Variants in SYT17 observed in about 807,000 individuals in gnomAD.
SYT17 encodes synaptotagmin-17.
A neutral mutation model predicts 46.7 loss-of-function variants in SYT17; 22 were observed. The observed-to-expected ratio is 0.47, with a 90% CI of 0.34 to 0.67. The LOEUF (loss-of-function observed/expected upper bound fraction) is 0.67. Ranked by LOEUF, SYT17 falls within the 30% of genes least tolerant of loss-of-function variation. The probability of loss-of-function intolerance (pLI) is 0.01; values close to 1 mark genes in which losing one functional copy is unlikely to be tolerated. For synonymous variants in SYT17, 251 were observed against 248.4 expected (o/e 1.01, Z -0.10); for missense variants, 519 against 612.8 (o/e 0.85, Z 1.62).
intron 5 of SYT17, among the ~76,000 whole-genome samples, chr16:19,214,197 C>G (rs1376781156): frequency 2.6e-5 from 4 of 152,216 alleles, no homozygotes; most frequent in African/African-American, 9.6e-5. Flanking sequence ...CCTAGCACCT[C>G]ATGGATGTCT....
intron 7 of SYT17, among the ~76,000 whole-genome samples, chr16:19,257,620 C>G (rs550057835): frequency 3.9e-5 from 6 of 152,294 alleles, no homozygotes; most frequent in African/African-American, 1.4e-4. Context: ...AACTCATGAA[C>G]ACCCTGATGA....
intron 7 of SYT17, among the ~76,000 whole-genome samples, chr16:19,242,601 T>C (rs1249438419): frequency 3.3e-5 from 5 of 152,158 alleles, no homozygotes; most frequent in African/African-American, 4.8e-5. Flanking sequence ...CTCAGCTCAC[T>C]GCAGCCTCGA....
chr16:19,224,559 G>A, intron 6 of SYT17, 124 bp from the exon 7 acceptor site: 1 of 1,031,216 alleles, frequency 9.7e-7, no homozygotes, highest in Non-Finnish European at 1.4e-6. Context: ...AAAGTTGAAT[G>A]GGTGGATGGA....
intron 7 of SYT17, among the ~76,000 whole-genome samples, chr16:19,259,204 C>T (rs912190050): frequency 1.1e-4 from 16 of 152,038 alleles, no homozygotes; most frequent in African/African-American, 2.4e-4. Flanking sequence ...AGCAAGGTAC[C>T]GTGCAAGGTG....
At chr16:19,262,636 A>G (rs1016903638) in intron 7 of SYT17, among the ~76,000 whole-genome samples, 1 of 151,014 alleles carries the variant, frequency 6.6e-6, no homozygotes, top group Non-Finnish European at 1.5e-5. Flanking sequence ...CAACACACTT[A>G]GGGTATTGCC....
At chr16:19,248,214 A>T (rs994658645) in intron 7 of SYT17, among the ~76,000 whole-genome samples, 2 of 152,228 alleles carry the variant, frequency 1.3e-5, no homozygotes, top group Non-Finnish European at 2.9e-5. Context: ...TAAAAGATGG[A>T]AAACAAGAAG....
chr16:19,219,418 A>AAT, intron 5 of SYT17, among the ~76,000 whole-genome samples: 1 of 5,626 alleles, frequency 1.8e-4, no homozygotes, highest in Non-Finnish European at 2.6e-4. Flanking sequence ...CAAAAAAAAA[A>AAT]AAAAAAAAAA....
chr16:19,201,973 GGA>G (rs1342683547), intron 5 of SYT17, among the ~76,000 whole-genome samples: 1 of 152,158 alleles, frequency 6.6e-6, no homozygotes, highest in African/African-American at 2.4e-5. Context: ...TTCAGGATCT[GGA>G]GTTAGTTTCT....
chr16:19,173,368 TC>T, intron 2 of SYT17, 61 bp from the exon 3 acceptor site: 1 of 742,600 alleles, frequency 1.3e-6, no homozygotes. Context: ...CTCTTCCTCT[TC>T]CCCACCCTGC....
rs184556399 is a variant in SYT17 at position 19,241,967 on chromosome 16, G to T, written c.1228+17129G>T. Among the ~76,000 whole-genome samples, 30 of 151,828 alleles carry T rather than the reference G, an allele frequency of 2.0e-4. 1 individual carries two copies. The highest frequency in any genetic ancestry group is 7.3e-4 in the African/African-American group (30 of 41,164). ...GATGGCCCTTCACTATCATCAATAGGAGTCATTATTGCCCTTTTATGGAAG... is the reference window on the plus strand; with the variant it reads ...GATGGCCCTTCACTATCATCAATAGTAGTCATTATTGCCCTTTTATGGAAG... On this transcript the variant is annotated intron_variant, in intron 7 of 7. Transcript: ENST00000355377.
At chr16:19,253,349 A>G (rs1180924189) in intron 7 of SYT17, among the ~76,000 whole-genome samples, 1 of 152,152 alleles carries the variant, frequency 6.6e-6, no homozygotes, top group Non-Finnish European at 1.5e-5. Context: ...TGAGCTCAGG[A>G]GTTCAAGATA....
intron 7 of SYT17, among the ~76,000 whole-genome samples, chr16:19,255,734 A>G (rs1182662428): frequency 6.6e-6 from 1 of 152,158 alleles, no homozygotes; most frequent in Non-Finnish European, 1.5e-5. Context: ...GCAGTGAGCT[A>G]TAATCATGCC....
intron 5 of SYT17, among the ~76,000 whole-genome samples, chr16:19,207,079 G>A (rs1198429718): frequency 6.6e-6 from 1 of 152,074 alleles, no homozygotes; most frequent in Non-Finnish European, 1.5e-5. Flanking sequence ...GTTTAAAAGA[G>A]CCTCGTGCCT....
In SYT17 at chr16:19,184,017, T is replaced by C; in HGVS notation, c.821T>C (p.Leu274Pro). 6.2e-7 allele frequency: 1 copy of C among 1,614,162 alleles called. No homozygotes were observed. Reference protein sequence around the residue: ...IPFLEAQRRTLLLTVVDFDKF... With the variant: ...IPFLEAQRRTPLLTVVDFDKF... ...TTCCTGGAGGCCCAGAGGAGGACCC[T>C]GCTCCTGACCGTGGTGGATTTTGAT... Residue 274 changes from leucine (L) to proline (P), a missense_variant, in exon 5 of 8, where the codon CTG becomes CCG. Coordinates refer to ENST00000355377, the MANE Select transcript of SYT17 (RefSeq NM_016524.4).
chr16:19,245,920 T>C (rs1967516956), intron 7 of SYT17, among the ~76,000 whole-genome samples: 1 of 152,250 alleles, frequency 6.6e-6, no homozygotes, highest in Admixed American at 6.5e-5. Context: ...TTTTCCATAC[T>C]ATATGTATGT....
intron 5 of SYT17, among the ~76,000 whole-genome samples, chr16:19,205,515 C>G (rs1313494953): frequency 6.6e-6 from 1 of 152,062 alleles, no homozygotes; most frequent in Non-Finnish European, 1.5e-5. Context: ...TCTCAGCTCC[C>G]TGCAACCCCT....
chr16:19,183,683 T>G lies in SYT17; in HGVS notation c.487T>G (p.Ser163Ala), dbSNP rs1422808671. 2 of 1,614,016 alleles carry G rather than the reference T, an allele frequency of 1.2e-6. No individual in the cohort carries two copies. The highest frequency in any genetic ancestry group is 2.7e-5 in the African/African-American group (2 of 74,888). Residue 163 changes from serine to alanine, a missense_variant, in exon 5 of 8, where the codon TCC (serine) becomes GCC (alanine). Transcript: ENST00000355377. This position sits in a 1 kb window ranked among gnomAD's most constrained non-coding sequence, Gnocchi z 5.6. ...YFRKFEPHLY[S>A]LDSNSDDVDS... ...CAGGAAGTTCGAACCCCACCTGTAC[T>G]CCCTCGACTCCAACAGCGACGATGT...
intron 7 of SYT17, among the ~76,000 whole-genome samples, chr16:19,241,193 C>T (rs1054529269): frequency 5.9e-5 from 9 of 151,944 alleles, no homozygotes; most frequent in Admixed American, 4.6e-4. Context: ...GTGATCCGCC[C>T]GCCTCGGCCT....
chr16:19,216,920 G>A (rs530898687), intron 5 of SYT17, among the ~76,000 whole-genome samples: 1 of 152,086 alleles, frequency 6.6e-6, no homozygotes, highest in East Asian at 1.9e-4. Flanking sequence ...TGGGTCAAAT[G>A]GTATTTCTGG....
Sources: gnomAD v4.1 joint callset for allele counts (sites outside exome capture counted in the v4.1 genomes callset) on GRCh38, gnomAD v4.1.1 for gene constraint, Gnocchi (gnomAD v3.1) non-coding constraint, MANE v1.5 for transcripts, NCBI Gene and HGNC (gene_info 2026-07-23, HGNC 2026-07-21) for gene names.